Variants in SPATA17 observed in about 807,000 individuals in gnomAD.
SPATA17 encodes the protein spermatogenesis-associated protein 17.
A neutral mutation model predicts 62.2 loss-of-function variants in SPATA17; 53 were observed. That is an observed-to-expected ratio of 0.85 (90% CI 0.68 to 1.07). SPATA17 has a LOEUF of 1.07. SPATA17 is among the 50% of genes least tolerant of loss of function. SPATA17 has a pLI of 0.00. For missense variants in SPATA17, 466 were observed against 425.5 expected (o/e 1.10, Z -0.84); for synonymous variants, 146 against 146.8 (o/e 0.99, Z 0.04).
Position 217,648,958 on chromosome 1 carries a change from C to G in SPATA17, c.145C>G (p.Arg49Gly). The change falls in exon 2 of 11, where the codon CGG (arginine) becomes GGG (glycine). Residue 49 changes from arginine to glycine, a missense_variant. Arg to Gly is a moderately radical substitution (Grantham distance 125, BLOSUM62 -2). Coordinates refer to ENST00000366933, the MANE Select transcript of SPATA17 (RefSeq NM_138796.4). Reference sequence around the variant, plus strand: ...AAGCTGGTTTCGAGGATGTCAAGTTCGGGCATATATCAGGTATATTGCTTT... The same window carrying G: ...AAGCTGGTTTCGAGGATGTCAAGTTGGGGCATATATCAGGTATATTGCTTT... ...IQSWFRGCQV[R>G]AYIRHLNRIV... 1 of 1,608,992 alleles carries G rather than the reference C, an allele frequency of 6.2e-7. No individual in the cohort carries two copies.
At chr1:217,841,050 C>A (rs1268202166) in intron 9 of SPATA17, among the ~76,000 whole-genome samples, 2 of 151,356 alleles carry the variant, frequency 1.3e-5, no homozygotes, top group African/African-American at 4.9e-5. Context: ...TAAAAAATTT[C>A]TTTTGGTTTT....
chr1:217,798,901 A>G (rs1164483516), intron 8 of SPATA17, among the ~76,000 whole-genome samples: 1 of 146,116 alleles, frequency 6.8e-6, no homozygotes, highest in Non-Finnish European at 1.5e-5. Flanking sequence ...TCTGAGACGG[A>G]GTCTCACTCT....
intron 6 of SPATA17, among the ~76,000 whole-genome samples, chr1:217,765,812 T>C (rs868436613): frequency 3.9e-5 from 6 of 152,018 alleles, no homozygotes; most frequent in African/African-American, 1.2e-4. Flanking sequence ...AGCTATCAGA[T>C]TTTACCTCAC....
chr1:217,741,876 G>A, intron 5 of SPATA17, 99 bp from the exon 6 acceptor site: 1 of 1,322,884 alleles, frequency 7.6e-7, no homozygotes, highest in Admixed American at 2.0e-5. Context: ...GATGGATATG[G>A]ATGATGGTTG....
chr1:217,713,849 A>G (rs1227433450), intron 5 of SPATA17, among the ~76,000 whole-genome samples: 2 of 152,196 alleles, frequency 1.3e-5, no homozygotes, highest in African/African-American at 4.8e-5. Context: ...ATATTACGCT[A>G]CTTCATGTTT....
chr1:217,748,302 C>CAAA lies in SPATA17; in HGVS notation c.519+6219_519+6221dup, dbSNP rs61324067. Reference sequence around the variant, plus strand: ...TGGGCAACAGAGCGAGACTCCATCTCAAAAAAAAAAAAAAAAATTAACTTG... The same window carrying CAAA: ...TGGGCAACAGAGCGAGACTCCATCTCAAAAAAAAAAAAAAAAAAAATTAACTTG... On this transcript the variant is annotated intron_variant, in intron 6 of 10. Coordinates refer to ENST00000366933, the MANE Select transcript of SPATA17 (RefSeq NM_138796.4). 5.3e-3 allele frequency among the ~76,000 whole-genome samples: 564 copies of CAAA among 106,046 alleles called. 4 individuals are homozygous for CAAA. The highest frequency in any genetic ancestry group is 0.028 in the East Asian group (89 of 3,132). The allele number at this position is 106,046 out of a possible 152,430, so 69.6% of individuals were successfully genotyped here. A position where few individuals can be genotyped will look rare whatever the true frequency, so the allele number is the denominator to read the frequency against.
At chr1:217,790,503 C>A (rs1477696865) in intron 8 of SPATA17, among the ~76,000 whole-genome samples, 2 of 152,062 alleles carry the variant, frequency 1.3e-5, no homozygotes, top group African/African-American at 4.8e-5. Flanking sequence ...TGCAGTGGCA[C>A]GATCTCGGCT....
At chr1:217,849,422 T>C (rs2103010619) in intron 9 of SPATA17, among the ~76,000 whole-genome samples, 1 of 152,310 alleles carries the variant, frequency 6.6e-6, no homozygotes, top group South Asian at 2.1e-4. Context: ...TACTTATTCT[T>C]TGCCTTGTTC....
intron 5 of SPATA17, among the ~76,000 whole-genome samples, chr1:217,683,692 G>A (rs1015770908): frequency 5.9e-5 from 9 of 151,980 alleles, no homozygotes; most frequent in Non-Finnish European, 8.8e-5. Flanking sequence ...TGCCCGCCTC[G>A]GCCTCCCAAA....
intron 5 of SPATA17, among the ~76,000 whole-genome samples, chr1:217,724,554 C>T (rs1422787230): frequency 1.3e-5 from 2 of 151,928 alleles, no homozygotes; most frequent in African/African-American, 4.8e-5. Flanking sequence ...TGCTACTGCA[C>T]TCCAGTCTGG....
At chr1:217,703,138 G>A (rs868487370) in intron 5 of SPATA17, among the ~76,000 whole-genome samples, 1 of 148,224 alleles carries the variant, frequency 6.7e-6, no homozygotes, top group East Asian at 2.0e-4. Flanking sequence ...GCCTCCCAAA[G>A]TGCTGGGATT....
rs1363715337 is a variant in SPATA17, at chr1:217,869,034, T to C, written c.*2015T>C. 1 of 152,270 alleles carries C rather than the reference T, an allele frequency of 6.6e-6. No homozygotes were observed. Among genetic ancestry groups the C allele is most frequent in the Non-Finnish European group, 1.5e-5 (1 of 68,076 alleles). 9.4% of individuals were successfully genotyped at this position (152,270 alleles called of 1,614,324 possible). On this transcript the variant is annotated 3_prime_UTR_variant, in exon 11 of 11. Transcript: ENST00000366933. ...GTTTATTTGGCCAAGGTTAAGGACATGCCCTTGACACTGCACCTGTCAGTA... is the reference window on the plus strand; with the variant it reads ...GTTTATTTGGCCAAGGTTAAGGACACGCCCTTGACACTGCACCTGTCAGTA...
At chr1:217,822,561 T>C (rs955660361) in intron 9 of SPATA17, among the ~76,000 whole-genome samples, 2 of 150,226 alleles carry the variant, frequency 1.3e-5, no homozygotes, top group Admixed American at 1.3e-4. Context: ...TATCTTCAAA[T>C]AGTGCTCTTC....
chr1:217,772,736 CCATGTA>C lies in SPATA17; in HGVS notation c.520-1596_520-1591del, dbSNP rs113696017. ...TCATTTATTGAGTGCCTACTAAGTG[CCATGTA>C]CCCTGCTAGGCCCTGGGGTTGCAAA... On this transcript the variant is annotated intron_variant, in intron 6 of 10. Transcript: ENST00000366933. Among the ~76,000 whole-genome samples the C allele has an allele frequency of 1.4e-3, 217 of 152,284 alleles. 1 individual carries two copies. Among genetic ancestry groups the C allele is most frequent in the African/African-American group, 4.7e-3 (197 of 41,540 alleles).
intron 3 of SPATA17, among the ~76,000 whole-genome samples, chr1:217,666,604 G>A (rs1393477411): frequency 6.6e-6 from 1 of 151,694 alleles, no homozygotes; most frequent in Admixed American, 6.6e-5. Flanking sequence ...ATTTTTAACT[G>A]TATTATTCAG....
intron 1 of SPATA17, among the ~76,000 whole-genome samples, chr1:217,633,209 T>G (rs1669858630): frequency 6.7e-6 from 1 of 148,468 alleles, no homozygotes; most frequent in Non-Finnish European, 1.5e-5. Flanking sequence ...AATAAATAAA[T>G]AAATAAATAA....
chr1:217,704,820 T>C (rs1168221852), intron 5 of SPATA17, among the ~76,000 whole-genome samples: 1 of 152,162 alleles, frequency 6.6e-6, no homozygotes, highest in Non-Finnish European at 1.5e-5. Flanking sequence ...GGCATCTAGG[T>C]TGATTCCATG....
In SPATA17 at chr1:217,657,217, G is replaced by A. The variant is rs75467203; in HGVS notation, c.240+6039G>A. On this transcript the variant is annotated intron_variant, in intron 3 of 10. Coordinates refer to ENST00000366933, the MANE Select transcript of SPATA17 (RefSeq NM_138796.4). ...AGCTGTCATGAAGCTTACCCCTAGAGTTTTAGCCACCTCCCAGAAGCCATA... is the reference window on the plus strand; with the variant it reads ...AGCTGTCATGAAGCTTACCCCTAGAATTTTAGCCACCTCCCAGAAGCCATA... 8.1e-3 allele frequency among the ~76,000 whole-genome samples: 1,238 copies of A among 152,212 alleles called. 10 individuals are homozygous for A. The highest frequency in any genetic ancestry group is 0.027 in the African/African-American group (1,108 of 41,522).
At chr1:217,713,061 A>G (rs1321563131) in intron 5 of SPATA17, among the ~76,000 whole-genome samples, 1 of 152,132 alleles carries the variant, frequency 6.6e-6, no homozygotes, top group East Asian at 1.9e-4. Flanking sequence ...AATTCTCTTT[A>G]AGACTAAACC....
Sources: gnomAD v4.1 joint callset for allele counts (sites outside exome capture counted in the v4.1 genomes callset) on GRCh38, gnomAD v4.1.1 for gene constraint, MANE v1.5 for transcripts, NCBI Gene and HGNC (gene_info 2026-07-23, HGNC 2026-07-21) for gene names.